Variants in CCDC149 observed in about 807,000 individuals in gnomAD.
CCDC149 encodes coiled-coil domain containing 149, also known as coiled-coil domain-containing protein 149.
A neutral mutation model predicts 59.9 loss-of-function variants in CCDC149; 45 were observed. That is an observed-to-expected ratio of 0.75 (90% CI 0.59 to 0.96). CCDC149 has a LOEUF of 0.96. CCDC149 is among the 40% of genes least tolerant of loss of function. The probability of loss-of-function intolerance (pLI) is 0.00; values close to 1 mark genes in which losing one functional copy is unlikely to be tolerated. For missense variants in CCDC149, 584 were observed against 664.7 expected (o/e 0.88, Z 1.33); for synonymous variants, 245 against 260.6 (o/e 0.94, Z 0.58).
At chr4:24,955,888 T>C (rs1723450203) in intron 1 of CCDC149, among the ~76,000 whole-genome samples, 1 of 152,234 alleles carries the variant, frequency 6.6e-6, no homozygotes, top group African/African-American at 2.4e-5. Context: ...ATGTTTTGTG[T>C]TTTACCACAA....
At position 24,831,508 on chromosome 4, in the gene CCDC149, G is replaced by C. The variant is rs1716145866; in HGVS notation, c.963C>G (p.Asn321Lys). 6.2e-7 allele frequency: 1 copy of C among 1,613,768 alleles called. No individual in the cohort carries two copies. Among genetic ancestry groups the C allele is most frequent in the Non-Finnish European group, 8.5e-7 (1 of 1,179,902 alleles). ...AACACAAGAGTTTGGCCACCTACTT[G>C]TTGGTTTGCCTCTGGTGCTGAATGA... Residue 321 changes from asparagine to lysine, a missense_variant and splice_region_variant, in exon 9 of 13, where the codon AAC (asparagine) becomes AAG (lysine). Transcript: ENST00000635206.
chr4:24,867,973 C>T (rs810281), intron 3 of CCDC149, among the ~76,000 whole-genome samples: 1 of 152,110 alleles, frequency 6.6e-6, no homozygotes, highest in African/African-American at 2.4e-5. Flanking sequence ...CTGGTCACAT[C>T]TGTTAACTCC....
At chr4:24,809,480 GC>G (rs1250333591) in intron 12 of CCDC149, among the ~76,000 whole-genome samples, 1 of 152,206 alleles carries the variant, frequency 6.6e-6, no homozygotes, top group African/African-American at 2.4e-5. Context: ...CTGACATCCA[GC>G]CCTCATTTCC....
intron 1 of CCDC149, among the ~76,000 whole-genome samples, chr4:24,963,986 G>A (rs1723721335): frequency 6.6e-6 from 1 of 152,152 alleles, no homozygotes; most frequent in Non-Finnish European, 1.5e-5. Context: ...CTTGAGCCTA[G>A]GAGTTCAAGG....
chr4:24,958,802 C>T (rs986228872), intron 1 of CCDC149, among the ~76,000 whole-genome samples: 8 of 152,092 alleles, frequency 5.3e-5, no homozygotes, highest in African/African-American at 1.9e-4. Flanking sequence ...GAGACTGAGG[C>T]GGGCAGATCC....
At chr4:24,902,794 T>C (rs1427119032) in intron 1 of CCDC149, among the ~76,000 whole-genome samples, 2 of 152,012 alleles carry the variant, frequency 1.3e-5, no homozygotes, top group South Asian at 2.1e-4. Context: ...AGGCTGAGAC[T>C]GATGGATAGC....
chr4:24,889,452 G>A (rs557787653), intron 1 of CCDC149, among the ~76,000 whole-genome samples: 4 of 152,300 alleles, frequency 2.6e-5, no homozygotes, highest in Admixed American at 6.5e-5. Flanking sequence ...CTGCCGGTAC[G>A]CCTTGCAGTT....
rs1445637489 is a variant in CCDC149, at chr4:24,837,548, A to T, written c.490-148T>A. The T allele has an allele frequency of 1.5e-6, 1 of 661,322 alleles. No homozygotes were observed. Among genetic ancestry groups the T allele is most frequent in the Non-Finnish European group, 2.6e-6 (1 of 390,278 alleles). 41.0% of individuals were successfully genotyped at this position (661,322 alleles called of 1,614,324 possible). ...CTAAAGCCATAAGCGCCACACACTG[A>T]AATACAATAACAGCTAAAAGCGAGG... On this transcript the variant is annotated intron_variant, in intron 5 of 12. Coordinates refer to ENST00000635206, the MANE Select transcript of CCDC149 (RefSeq NM_001330643.2). This position sits in a 1 kb window ranked among gnomAD's most constrained non-coding sequence, Gnocchi z 4.3.
chr4:24,974,043 T>C (rs1724068960), intron 1 of CCDC149, among the ~76,000 whole-genome samples: 2 of 152,116 alleles, frequency 1.3e-5, no homozygotes, highest in Non-Finnish European at 2.9e-5. Flanking sequence ...TAGTGGCAAA[T>C]AAAGTGGTGC....
At chr4:24,855,772 G>A (rs1442841004) in intron 3 of CCDC149, among the ~76,000 whole-genome samples, 1 of 152,098 alleles carries the variant, frequency 6.6e-6, no homozygotes, top group Non-Finnish European at 1.5e-5. Flanking sequence ...GTTCTCCTAA[G>A]ACAAAAATTT....
At chr4:24,912,718 C>T (rs1249551991) in intron 1 of CCDC149, 99 bp downstream of exon 1, 4 of 846,360 alleles carry the variant, frequency 4.7e-6, no homozygotes, top group Admixed American at 5.0e-5. Context: ...TGCGCGCCCC[C>T]CTCTCGTCCC....
chr4:24,936,930 G>GT (rs1446577348), intron 1 of CCDC149, among the ~76,000 whole-genome samples: 1 of 152,248 alleles, frequency 6.6e-6, no homozygotes, highest in African/African-American at 2.4e-5. Context: ...GGTAAAATCA[G>GT]TTTTAATTAC....
intron 1 of CCDC149, among the ~76,000 whole-genome samples, chr4:24,965,731 G>A (rs978930740): frequency 1.2e-4 from 18 of 152,276 alleles, no homozygotes; most frequent in South Asian, 6.2e-4. Flanking sequence ...TGAGAAACTC[G>A]AAAAACAAGG....
rs192298082 is a variant in CCDC149, at chr4:24,938,462, C to A, written c.-65+41607G>T. On this transcript the variant is annotated intron_variant, in intron 1 of 12. Coordinates refer to the CCDC149 transcript ENST00000389609. ...ATAGGAACAGCTCCAGTCTACAGCT[C>A]CCAGCGTAAGCGATGCAGAAGACAG... Among the ~76,000 whole-genome samples the A allele has an allele frequency of 1.2e-4, 19 of 152,306 alleles. No individual in the cohort carries two copies. In the East Asian group the frequency reaches 2.3e-3, roughly 19 times the overall value.
chr4:24,874,335 C>T (rs1194912941), intron 2 of CCDC149, among the ~76,000 whole-genome samples: 1 of 137,336 alleles, frequency 7.3e-6, no homozygotes, highest in African/African-American at 2.8e-5. Flanking sequence ...AATCTCAGCA[C>T]TTTGGGAGGC....
At chr4:24,907,716 G>A (rs1159034227) in intron 1 of CCDC149, among the ~76,000 whole-genome samples, 1 of 152,196 alleles carries the variant, frequency 6.6e-6, no homozygotes, top group African/African-American at 2.4e-5. Flanking sequence ...TCACTTCCAA[G>A]GGCTGCCATA....
At chr4:24,910,670 C>G (rs993699221) in intron 1 of CCDC149, among the ~76,000 whole-genome samples, 1 of 152,090 alleles carries the variant, frequency 6.6e-6, no homozygotes, top group African/African-American at 2.4e-5. Context: ...GACAGATGAG[C>G]AATGATTAAA....
intron 1 of CCDC149, among the ~76,000 whole-genome samples, chr4:24,899,886 C>G (rs1227896891): frequency 1.3e-5 from 2 of 152,200 alleles, no homozygotes; most frequent in African/African-American, 4.8e-5. Context: ...TATGTGTCCC[C>G]ACCAGAGACC....
At chr4:24,973,176 T>C (rs907013991) in intron 1 of CCDC149, among the ~76,000 whole-genome samples, 1 of 152,192 alleles carries the variant, frequency 6.6e-6, no homozygotes, top group Non-Finnish European at 1.5e-5. Flanking sequence ...ACCAAACCAA[T>C]ATATACCTCA....
Sources: allele counts gnomAD v4.1 joint callset (sites outside exome capture counted in the v4.1 genomes callset), GRCh38; gene constraint gnomAD v4.1.1; non-coding constraint Gnocchi (gnomAD v3.1); transcripts MANE v1.5; gene names NCBI Gene and HGNC (gene_info 2026-07-23, HGNC 2026-07-21).